The following SYDE2 variants were observed in gnomAD, a reference collection of about 807,000 sequenced individuals.
The protein encoded by SYDE2 is rho GTPase-activating protein SYDE2.
A neutral mutation model predicts 91.5 loss-of-function variants in SYDE2; 76 were observed. The observed-to-expected ratio is 0.83, with a 90% CI of 0.69 to 1.01. SYDE2 has a LOEUF of 1.01. Ranked by LOEUF, SYDE2 falls within the 50% of genes least tolerant of loss-of-function variation. The pLI, the probability that SYDE2 is intolerant of heterozygous loss-of-function variation, is 0.00. For missense variants in SYDE2, 1,364 were observed against 1,367.7 expected (o/e 1.00, Z 0.04); for synonymous variants, 513 against 506.4 (o/e 1.01, Z -0.18).
rs370498273 is a variant in SYDE2 at position 85,164,535 on chromosome 1, G to A, written c.3076C>T (p.Leu1026Phe). 1.3e-6 allele frequency: 2 copies of A among 1,592,246 alleles called. No individual in the cohort carries two copies. Among genetic ancestry groups the A allele is most frequent in the East Asian group, 2.3e-5 (1 of 44,384 alleles). The change falls in exon 6 of 7, where the codon CTC (leucine) becomes TTC (phenylalanine). Residue 1026 changes from leucine (L) to phenylalanine (F), a missense_variant. Physicochemically the swap from Leu to Phe is conservative, Grantham distance 22 (BLOSUM62 0). Coordinates refer to ENST00000341460, the MANE Select transcript of SYDE2 (RefSeq NM_032184.2). ...HIEVLHYLLQLWPVQRLTVKK... is the reference protein window; with the variant it reads ...HIEVLHYLLQFWPVQRLTVKK... ...CCATAGAATCATTTACCTGGCCAGA[G>A]TTGGAGTAAGTAATGAAGAACTTCA... is the stretch of plus-strand genomic sequence containing the variant.
chr1:85,199,776 CA>C (rs11395584), intron 1 of SYDE2, among the ~76,000 whole-genome samples: 59 of 136,038 alleles, frequency 4.3e-4, no homozygotes, highest in Admixed American at 5.1e-4. Flanking sequence ...CTGGGAGAGG[CA>C]AAAAAAAAAA....
intron 3 of SYDE2, chr1:85,181,161 T>C (rs1657904492): frequency 7.9e-6 from 1 of 126,804 alleles, no homozygotes. Flanking sequence ...TTTTTTTTTT[T>C]TTTTTTTTGC....
chr1:85,160,155 C>T, intron 6 of SYDE2: 2 of 985,136 alleles, frequency 2.0e-6, no homozygotes, highest in African/African-American at 1.7e-5. Flanking sequence ...TGAATAAGTG[C>T]CCCTTCCTAT....
chr1:85,191,516 T>C (rs1570273093), intron 1 of SYDE2, among the ~76,000 whole-genome samples: 1 of 152,104 alleles, frequency 6.6e-6, no homozygotes, highest in East Asian at 1.9e-4. Context: ...TCCCAGCACT[T>C]TGGGAGGCCG....
In SYDE2 at chr1:85,161,110, C is replaced by T. The variant is rs147327745; in HGVS notation, c.3086-1861G>A. On this transcript the variant is annotated intron_variant, in intron 6 of 6. Coordinates refer to ENST00000341460, the MANE Select transcript of SYDE2 (RefSeq NM_032184.2). ...GGTTTTCCCATCACTGTTGACTACC[C>T]ACCTTCAGTAGAACAAAATTAAAAA... is the stretch of plus-strand genomic sequence containing the variant. 3.1e-3 allele frequency: 3,022 copies of T among 985,148 alleles called. 10 individuals carry two copies. The highest frequency in any genetic ancestry group is 3.3e-3 in the Non-Finnish European group (2,713 of 829,764). The allele number at this position is 985,148 out of a possible 1,614,324, so 61.0% of individuals were successfully genotyped here.
chr1:85,163,449 A>ATC (rs1294233262), intron 6 of SYDE2, among the ~76,000 whole-genome samples: 3 of 94,538 alleles, frequency 3.2e-5, no homozygotes, highest in East Asian at 2.8e-4. Context: ...TTTAATCTAT[A>ATC]TATATATATA....
intron 1 of SYDE2, among the ~76,000 whole-genome samples, chr1:85,196,428 T>C (rs1487837249): frequency 1.3e-5 from 2 of 152,140 alleles, no homozygotes; most frequent in Non-Finnish European, 2.9e-5. Flanking sequence ...TTGAACCACA[T>C]TTTGAGTGGC....
chr1:85,166,937 G>T (rs181638297), intron 5 of SYDE2, among the ~76,000 whole-genome samples: 2 of 152,136 alleles, frequency 1.3e-5, no homozygotes, highest in Admixed American at 1.3e-4. Flanking sequence ...CTGGCTGGGC[G>T]TGGTGGTTCA....
intron 4 of SYDE2, among the ~76,000 whole-genome samples, chr1:85,172,347 A>G (rs1346481858): frequency 6.6e-6 from 1 of 152,204 alleles, no homozygotes; most frequent in Non-Finnish European, 1.5e-5. Context: ...CCAGAGTATA[A>G]GAGAGCTGAT....
At position 85,158,731 on chromosome 1, in the gene SYDE2, C is replaced by CA. The variant is rs766344354; in HGVS notation, c.*18dup. On this transcript the variant is annotated 3_prime_UTR_variant, in exon 7 of 7. Coordinates refer to ENST00000341460, the MANE Select transcript of SYDE2 (RefSeq NM_032184.2). ...ACAGATTTGAAACTTTAAGACATTA[C>CA]AAAAAAAAACCCTCAATCTCAAAAA... 402 of 691,564 alleles carry CA rather than the reference C, an allele frequency of 5.8e-4. No homozygotes were observed. Among genetic ancestry groups the CA allele is most frequent in the Admixed American group, 1.3e-3 (49 of 38,534 alleles). The allele number at this position is 691,564 out of a possible 1,614,324, so 42.8% of individuals were successfully genotyped here. A position where few individuals can be genotyped will look rare whatever the true frequency, so the allele number is the denominator to read the frequency against.
intron 6 of SYDE2, 138 bp downstream of exon 6, chr1:85,164,388 G>A: frequency 3.7e-6 from 2 of 539,552 alleles, no homozygotes; most frequent in Non-Finnish European, 3.1e-6. Flanking sequence ...AAATCTAAAG[G>A]GCAGGTATCA....
At chr1:85,185,811 C>T (rs1658115935) in intron 2 of SYDE2, among the ~76,000 whole-genome samples, 1 of 151,976 alleles carries the variant, frequency 6.6e-6, no homozygotes, top group Non-Finnish European at 1.5e-5. Context: ...TGCCTAATTG[C>T]CCTGGCCAGA....
intron 4 of SYDE2, among the ~76,000 whole-genome samples, chr1:85,171,846 A>T (rs996660902): frequency 5.3e-5 from 8 of 152,194 alleles, no homozygotes; most frequent in African/African-American, 1.9e-4. Context: ...CATTAAAGAA[A>T]TAGACAAAGA....
chr1:85,187,757 A>G (rs565697983), intron 2 of SYDE2, among the ~76,000 whole-genome samples: 204 of 151,882 alleles, frequency 1.3e-3, no homozygotes, highest in African/African-American at 4.5e-3. Context: ...TCAGTAAACT[A>G]TCTCAAGGAC....
chr1:85,170,600 T>G (rs1253027260), intron 4 of SYDE2, among the ~76,000 whole-genome samples: 2 of 152,234 alleles, frequency 1.3e-5, no homozygotes, highest in African/African-American at 4.8e-5. Context: ...GATTTTTGAT[T>G]TTTGGATTAG....
At chr1:85,170,205 A>G (rs539958528) in intron 4 of SYDE2, among the ~76,000 whole-genome samples, 1 of 151,278 alleles carries the variant, frequency 6.6e-6, no homozygotes, top group East Asian at 1.9e-4. Flanking sequence ...GGCTCAAGCA[A>G]TCCTCCCACC....
intron 2 of SYDE2, among the ~76,000 whole-genome samples, chr1:85,183,688 G>T (rs537115817): frequency 3.3e-5 from 5 of 152,090 alleles, no homozygotes; most frequent in Admixed American, 6.6e-5. Flanking sequence ...TGGAGTGTTT[G>T]ATAAACTGGA....
At position 85,200,772 on chromosome 1, in the gene SYDE2, C is replaced by T. The variant is rs1292526628; in HGVS notation, c.225G>A (p.Arg75=). 1 of 1,517,734 alleles carries T rather than the reference C, an allele frequency of 6.6e-7. No homozygotes were observed. Among genetic ancestry groups the T allele is most frequent in the Non-Finnish European group, 8.8e-7 (1 of 1,138,446 alleles). 94.0% of individuals were successfully genotyped at this position (1,517,734 alleles called of 1,614,324 possible). Residue 75 remains arginine, a synonymous_variant, in exon 1 of 7, where the codon CGG becomes CGA. Transcript: ENST00000341460. ...PQREPRGGQL[R]TPRMRPSCSR... is the part of the protein sequence containing the mutation. ...TGCAGGACGGCCGCATCCGAGGAGT[C>T]CGCAGCTGGCCTCCCCGCGGCTCCC...
intron 1 of SYDE2, among the ~76,000 whole-genome samples, chr1:85,197,444 C>A (rs1168753346): frequency 6.6e-6 from 1 of 152,024 alleles, no homozygotes; most frequent in East Asian, 1.9e-4. Context: ...ATGAATAATA[C>A]TGTACAGAAA....
Sources: gnomAD v4.1 joint callset for allele counts (sites outside exome capture counted in the v4.1 genomes callset) on GRCh38, gnomAD v4.1.1 for gene constraint, MANE v1.5 for transcripts, NCBI Gene and HGNC (gene_info 2026-07-23, HGNC 2026-07-21) for gene names.